ZFPL1: variants seen among roughly 807,000 people sequenced by gnomAD.
ZFPL1 encodes the protein zinc finger protein-like 1.
In ZFPL1, 28 loss-of-function variants were observed where a neutral mutation model predicts 32.0. The observed-to-expected ratio is 0.87, with a 90% CI of 0.65 to 1.20. The LOEUF (loss-of-function observed/expected upper bound fraction) is 1.20. Among genes scored for constraint, ZFPL1 ranks in the 50% most tolerant of loss-of-function variants. The pLI, the probability that ZFPL1 is intolerant of heterozygous loss-of-function variation, is 0.00. For synonymous variants in ZFPL1, 165 were observed against 177.0 expected (o/e 0.93, Z 0.54); for missense variants, 386 against 424.8 (o/e 0.91, Z 0.80).
intron 3 of ZFPL1, 197 bp downstream of exon 3, chr11:65,085,423 T>TA: frequency 3.3e-6 from 2 of 601,534 alleles, no homozygotes; most frequent in South Asian, 3.9e-5. Flanking sequence ...CTGTCTTTCC[T>TA]AAAAATTAAA....
intron 2 of ZFPL1, 150 bp downstream of exon 2, chr11:65,084,950 C>T: frequency 9.6e-7 from 1 of 1,038,028 alleles, no homozygotes; most frequent in East Asian, 2.6e-5. Context: ...ATCCCCCGTT[C>T]CCAAGAGAGA....
chr11:65,087,808 A>C, intron 7 of ZFPL1, 120 bp from the exon 8 acceptor site: 1 of 1,083,932 alleles, frequency 9.2e-7, no homozygotes, highest in Non-Finnish European at 1.3e-6. Context: ...AGGAGTGATC[A>C]TCCCTGAGGC....
chr11:65,086,168 G>A, intron 3 of ZFPL1: 1 of 586,858 alleles, frequency 1.7e-6, no homozygotes, highest in African/African-American at 1.9e-5. Context: ...GGACTGAAAG[G>A]GGAGGTGGCG....
chr11:65,085,458 A>C, intron 3 of ZFPL1: 1 of 559,220 alleles, frequency 1.8e-6, no homozygotes, highest in South Asian at 2.0e-5. Context: ...TTTCCTAAAA[A>C]TTAAGCCCTG....
At chr11:65,085,575 C>T (rs1947669422) in intron 3 of ZFPL1, 2 of 347,750 alleles carry the variant, frequency 5.8e-6, no homozygotes, top group South Asian at 5.4e-5. Context: ...TCAGGATCCA[C>T]CACTGATTCC....
chr11:65,088,127 G>T lies in ZFPL1; in HGVS notation c.*13G>T. The T allele has an allele frequency of 6.2e-7, 1 of 1,601,792 alleles. No homozygotes were observed. On this transcript the variant is annotated 3_prime_UTR_variant, in exon 8 of 8. Coordinates refer to ENST00000294258, the MANE Select transcript of ZFPL1 (RefSeq NM_006782.4). ...GGGCCCCTCCTGAGCCCCCTTGCTT[G>T]TGGCTAGGCCAGCCTAGGATGTGGG...
Position 65,085,008 on chromosome 11 carries a change from C to G in ZFPL1, c.103-107C>G. 4 of 1,189,716 alleles carry G rather than the reference C, an allele frequency of 3.4e-6. No individual in the cohort carries two copies. The South Asian group carries it at 5.0e-5, about 15-fold the overall frequency. 73.7% of individuals were successfully genotyped at this position (1,189,716 alleles called of 1,614,324 possible). On this transcript the variant is annotated intron_variant, in intron 2 of 7. Coordinates refer to ENST00000294258, the MANE Select transcript of ZFPL1 (RefSeq NM_006782.4). ...AATAAATATTTATTGATTAAACAAACGAAAGGATGAGTCTCCTCTGTGGCT... is the reference window on the plus strand; with the variant it reads ...AATAAATATTTATTGATTAAACAAAGGAAAGGATGAGTCTCCTCTGTGGCT...
Position 65,087,976 on chromosome 11 carries a change from G to T in ZFPL1, c.795G>T (p.Ala265=), listed in dbSNP as rs748833583. The T allele has an allele frequency of 6.3e-7, 1 of 1,587,546 alleles. No homozygotes were observed. The change falls in exon 8 of 8, where the codon GCG becomes GCT. Residue 265 remains alanine (A), a synonymous_variant. Transcript: ENST00000294258. ...RKRPLTLLQR[A]GLLLLLGLLG... ...GGCCGCTGACCCTGCTCCAGCGGGC[G>T]GGGCTGCTGCTACTCTTGGGACTGC...
chr11:65,087,236 G>A (rs879822493), intron 6 of ZFPL1, 80 bp from the exon 7 acceptor site: 33 of 1,565,824 alleles, frequency 2.1e-5, no homozygotes, highest in Non-Finnish European at 2.8e-5. Flanking sequence ...TCAGACTGAG[G>A]AGAGCAGGTG....
At chr11:65,085,934 A>G (rs980424594) in intron 3 of ZFPL1, 2 of 217,016 alleles carry the variant, frequency 9.2e-6, no homozygotes, top group Admixed American at 1.1e-4. Context: ...CTGTGAGTGT[A>G]TAGATGTGTA....
At position 65,086,739 on chromosome 11, in the gene ZFPL1, C is replaced by T; in HGVS notation, c.428C>T (p.Pro143Leu). Residue 143 changes from proline (P) to leucine (L), a missense_variant, in exon 5 of 8, where the codon CCA becomes CTA. Transcript: ENST00000294258. ...CTCCAGATCGATGAGGTGGTGAGCCCAGAGCCCGAGCCCCTCAACACGTCT... is the reference window on the plus strand; with the variant it reads ...CTCCAGATCGATGAGGTGGTGAGCCTAGAGCCCGAGCCCCTCAACACGTCT... ...GLPLIDEVVSPEPEPLNTSDF... is the reference protein window; with the variant it reads ...GLPLIDEVVSLEPEPLNTSDF... 1 of 1,614,206 alleles carries T rather than the reference C, an allele frequency of 6.2e-7. No homozygotes were observed.
rs1947661802 is a variant in ZFPL1 at position 65,085,121 on chromosome 11, G to A, written c.109G>A (p.Val37Ile). The change falls in exon 3 of 8, where the codon GTC becomes ATC. Residue 37 changes from valine to isoleucine, a missense_variant. Transcript: ENST00000294258. ...CLVANHAKCI[V>I]QSYLQWLQDS... ...CATCTCTCTCCCACTCCAGTGCATC[G>A]TCCAGTCCTACCTGCAATGGCTCCA... The A allele has an allele frequency of 2.4e-5, 39 of 1,614,080 alleles. No individual in the cohort carries two copies. Among genetic ancestry groups the A allele is most frequent in the Non-Finnish European group, 3.1e-5 (36 of 1,179,986 alleles).
rs200122874 is a variant in ZFPL1, at chr11:65,086,493, C to T, written c.293C>T (p.Pro98Leu). Residue 98 changes from proline to leucine, a missense_variant, in exon 4 of 8, where the codon CCC becomes CTC. Pro to Leu is a moderately conservative substitution (Grantham distance 98). Coordinates refer to ENST00000294258, the MANE Select transcript of ZFPL1 (RefSeq NM_006782.4). ...RNTAPAGYQC[P>L]SCNGPIFPPT... ...ACGGCACCTGCCGGCTATCAGTGCCCCAGCTGCAATGGCCCCATCTTCCCC... is the reference window on the plus strand; with the variant it reads ...ACGGCACCTGCCGGCTATCAGTGCCTCAGCTGCAATGGCCCCATCTTCCCC... The T allele has an allele frequency of 2.5e-6, 4 of 1,613,994 alleles. No individual in the cohort carries two copies. The highest frequency in any genetic ancestry group is 1.1e-5 in the South Asian group (1 of 91,092).
At chr11:65,085,984 A>C in intron 3 of ZFPL1, 1 of 165,986 alleles carries the variant, frequency 6.0e-6, no homozygotes, top group Non-Finnish European at 1.3e-5. Flanking sequence ...GATATAGGGA[A>C]TGCCACTTGT....
rs945253819 is a variant in ZFPL1 at position 65,086,404 on chromosome 11, T to C, written c.215-11T>C. The C allele has an allele frequency of 6.2e-7, 1 of 1,613,954 alleles. No homozygotes were observed. The highest frequency in any genetic ancestry group is 8.5e-7 in the Non-Finnish European group (1 of 1,180,036). On this transcript the variant is annotated splice_polypyrimidine_tract_variant and intron_variant, in intron 3 of 7. Transcript: ENST00000294258. ...CTCATGTCTCTTCTCCCCTGTCTCA[T>C]GGGCCCTAAGATCTCTTTCACTGGG...
intron 3 of ZFPL1, chr11:65,086,124 T>C (rs1947677160): frequency 2.0e-6 from 1 of 502,160 alleles, no homozygotes; most frequent in East Asian, 3.7e-5. Flanking sequence ...CCAAAGAATA[T>C]GATGAGTGCA....
At chr11:65,084,556 G>C (rs1947651645) in intron 1 of ZFPL1, 135 bp from the exon 2 acceptor site, 1 of 717,814 alleles carries the variant, frequency 1.4e-6, no homozygotes, top group Admixed American at 2.7e-5. Context: ...CATAAGGAGG[G>C]ACAGTGGGCA....
rs1428641723 is a variant in ZFPL1, at chr11:65,085,188, C to T, written c.176C>T (p.Pro59Leu). 1 of 1,614,114 alleles carries T rather than the reference C, an allele frequency of 6.2e-7. No homozygotes were observed. Among genetic ancestry groups the T allele is most frequent in the South Asian group, 1.1e-5 (1 of 91,084 alleles). ...YNPNCRLCNI[P>L]LASRETTRLV... is the part of the protein sequence containing the mutation. ...CCCAATTGCCGCCTGTGCAACATAC[C>T]CCTGGCCAGCCGAGAGACGACCCGC... Residue 59 changes from proline to leucine, a missense_variant, in exon 3 of 8, where the codon CCC (proline) becomes CTC (leucine). Transcript: ENST00000294258.
rs1014255414 is a variant in ZFPL1 at position 65,084,252 on chromosome 11, C to A, written c.-135C>A. ...CGTGGCAGCGGAGGGATAATCGGGG[C>A]GGCCGGGGCTGAAGGGAGAGGCGCA... On this transcript the variant is annotated 5_prime_UTR_variant, in exon 1 of 8. Coordinates refer to ENST00000294258, the MANE Select transcript of ZFPL1 (RefSeq NM_006782.4). 24 of 571,358 alleles carry A rather than the reference C, an allele frequency of 4.2e-5. 1 individual carries two copies. Among genetic ancestry groups the A allele is most frequent in the Middle Eastern group, 9.2e-4 (2 of 2,174 alleles). The allele number at this position is 571,358 out of a possible 1,614,324, so 35.4% of individuals were successfully genotyped here.
Sources: allele counts gnomAD v4.1 joint callset, GRCh38; gene constraint gnomAD v4.1.1; transcripts MANE v1.5; gene names NCBI Gene and HGNC (gene_info 2026-07-23, HGNC 2026-07-21).